The following FBXO8 variants were observed in gnomAD, a reference collection of about 807,000 sequenced individuals.
FBXO8 encodes F-box only protein 8.
FBXO8 carries 15 observed loss-of-function variants against 33.4 expected under a neutral mutation model. That is an observed-to-expected ratio of 0.45 (90% CI 0.30 to 0.69). The LOEUF is 0.69. Among genes scored for constraint, FBXO8 ranks in the 30% least tolerant of loss-of-function variants. The probability of loss-of-function intolerance (pLI) is 0.08; values close to 1 mark genes in which losing one functional copy is unlikely to be tolerated. For synonymous variants in FBXO8, 132 were observed against 131.5 expected, an observed-to-expected ratio of 1.00 and a Z score of -0.02; for missense variants, 274 against 380.3, an observed-to-expected ratio of 0.72 and a Z score of 2.32.
chr4:174,257,523 A>C lies in FBXO8; in HGVS notation c.456+2176T>G, dbSNP rs1257928091. Among the ~76,000 whole-genome samples, 1 of 152,194 alleles carries C rather than the reference A, an allele frequency of 6.6e-6. No individual in the cohort carries two copies. Among genetic ancestry groups the C allele is most frequent in the African/African-American group, 2.4e-5 (1 of 41,440 alleles). On this transcript the variant is annotated intron_variant, in intron 3 of 5. Transcript: ENST00000393674. The surrounding 1 kb of genome is among the most constrained non-coding windows in gnomAD (Gnocchi z 4.3). ...GCCAGCATGCCTTGATTAAATGGGC[A>C]TAATAAGACTGGGGCTTAAAACAGC...
chr4:174,266,287 GC>G (rs1221339547), intron 1 of FBXO8, among the ~76,000 whole-genome samples: 1 of 152,058 alleles, frequency 6.6e-6, no homozygotes, highest in Non-Finnish European at 1.5e-5. Flanking sequence ...GAGGGTTGAG[GC>G]TCATGTATAC....
rs1251706412 is a variant in FBXO8 at position 174,261,107 on chromosome 4, A to T, written c.330-1282T>A. Among the ~76,000 whole-genome samples the T allele has an allele frequency of 6.6e-6, 1 of 151,928 alleles. No homozygotes were observed. Among genetic ancestry groups the T allele is most frequent in the Admixed American group, 6.6e-5 (1 of 15,242 alleles). ...TTTTACCCACCAAATGAAATCACTG[A>T]CTCAAAACTGTAAGTATAAAAAATT... is the stretch of plus-strand genomic sequence containing the variant. On this transcript the variant is annotated intron_variant, in intron 2 of 5. Transcript: ENST00000393674. The surrounding 1 kb of genome is among the most constrained non-coding windows in gnomAD (Gnocchi z 4.1).
rs1346934241 is a variant in FBXO8, at chr4:174,237,126, C to CTA, written c.*285_*286insTA. Reference sequence around the variant, plus strand: ...CAAATCTAATGCACAAATACACCATCTTTTAGAGTATAATGTCAGTTTATC... The same window carrying CTA: ...CAAATCTAATGCACAAATACACCATCTATTTTAGAGTATAATGTCAGTTTATC... On this transcript the variant is annotated 3_prime_UTR_variant, in exon 6 of 6. Transcript: ENST00000393674. This position sits in a 1 kb window ranked among gnomAD's most constrained non-coding sequence, Gnocchi z 4.4. The CTA allele has an allele frequency of 2.2e-5, 6 of 276,982 alleles. No individual in the cohort carries two copies. In the South Asian group the frequency reaches 3.5e-4, roughly 16 times the overall value. The allele number at this position is 276,982 out of a possible 1,614,324, so 17.2% of individuals were successfully genotyped here. A position where few individuals can be genotyped will look rare whatever the true frequency, so the allele number is the denominator to read the frequency against.
At chr4:174,248,939 T>A (rs1450922606) in intron 3 of FBXO8, among the ~76,000 whole-genome samples, 2 of 152,012 alleles carry the variant, frequency 1.3e-5, no homozygotes, top group African/African-American at 2.4e-5. Context: ...TTCCCTCCAA[T>A]GGAGTCCAGG....
In FBXO8 at chr4:174,270,551, T is replaced by C. The variant is rs939545279; in HGVS notation, c.-8-7451A>G. 1.3e-5 allele frequency among the ~76,000 whole-genome samples: 2 copies of C among 152,170 alleles called. No homozygotes were observed. The highest frequency in any genetic ancestry group is 2.9e-5 in the Non-Finnish European group (2 of 68,036). ...CTTTCTACAAAAGCTCTTTTGGTAT[T>C]ACATAGCTTAAATTTAATATGCTAA... On this transcript the variant is annotated intron_variant, in intron 1 of 5. Coordinates refer to ENST00000393674, the MANE Select transcript of FBXO8 (RefSeq NM_012180.3). This position sits in a 1 kb window ranked among gnomAD's most constrained non-coding sequence, Gnocchi z 4.6.
Position 174,247,286 on chromosome 4 carries a change from C to G in FBXO8, c.457-6068G>C, listed in dbSNP as rs1736182102. Among the ~76,000 whole-genome samples the G allele has an allele frequency of 6.6e-6, 1 of 151,916 alleles. No homozygotes were observed. The highest frequency in any genetic ancestry group is 1.5e-5 in the Non-Finnish European group (1 of 67,952). ...TGTCACTAATAAAACAAAACTGTCA[C>G]ATACTAGGGAGTACCTTTAATTTTT... is the stretch of plus-strand genomic sequence containing the variant. On this transcript the variant is annotated intron_variant, in intron 3 of 5. Transcript: ENST00000393674. This position sits in a 1 kb window ranked among gnomAD's most constrained non-coding sequence, Gnocchi z 4.6.
Position 174,256,904 on chromosome 4 carries a change from A to G in FBXO8, c.456+2795T>C, listed in dbSNP as rs1560870046. Among the ~76,000 whole-genome samples, 1 of 152,014 alleles carries G rather than the reference A, an allele frequency of 6.6e-6. No homozygotes were observed. Among genetic ancestry groups the G allele is most frequent in the East Asian group, 1.9e-4 (1 of 5,188 alleles). ...GAATGTTCCAGAGTATCTTTAAATC[A>G]GGCCAGGGAGTAAAAAAAAAAGAAA... On this transcript the variant is annotated intron_variant, in intron 3 of 5. Coordinates refer to ENST00000393674, the MANE Select transcript of FBXO8 (RefSeq NM_012180.3). This position sits in a 1 kb window ranked among gnomAD's most constrained non-coding sequence, Gnocchi z 4.6.
chr4:174,237,334 G>T lies in FBXO8; in HGVS notation c.*78C>A. On this transcript the variant is annotated 3_prime_UTR_variant, in exon 6 of 6. Transcript: ENST00000393674. This position sits in a 1 kb window ranked among gnomAD's most constrained non-coding sequence, Gnocchi z 4.4. ...TACTCAGGCTACAATGACCAGCACT[G>T]ATGTAACCCCCATATCTGCTAAGTC... is the stretch of plus-strand genomic sequence containing the variant. The T allele has an allele frequency of 8.1e-7, 1 of 1,236,966 alleles. No homozygotes were observed. The highest frequency in any genetic ancestry group is 1.2e-6 in the Non-Finnish European group (1 of 865,774). 76.6% of individuals were successfully genotyped at this position (1,236,966 alleles called of 1,614,324 possible). A position where few individuals can be genotyped will look rare whatever the true frequency, so the allele number is the denominator to read the frequency against.
At chr4:174,282,552 T>C (rs974111135) in intron 1 of FBXO8, among the ~76,000 whole-genome samples, 3 of 152,166 alleles carry the variant, frequency 2.0e-5, no homozygotes, top group African/African-American at 7.2e-5. Flanking sequence ...GTTTCACATA[T>C]CATTTTCGTG....
At position 174,247,069 on chromosome 4, in the gene FBXO8, A is replaced by ATATGT. The variant is rs2126419660; in HGVS notation, c.457-5856_457-5852dup. ...TAAGGTTAAGCAAAATCTACCATAC[A>ATATGT]TATGTTCAGAATCAGTAAATATATA... On this transcript the variant is annotated intron_variant, in intron 3 of 5. Transcript: ENST00000393674. This position sits in a 1 kb window ranked among gnomAD's most constrained non-coding sequence, Gnocchi z 4.6. Among the ~76,000 whole-genome samples the ATATGT allele has an allele frequency of 6.6e-6, 1 of 152,198 alleles. No individual in the cohort carries two copies. The highest frequency in any genetic ancestry group is 2.1e-4 in the South Asian group (1 of 4,826).
intron 1 of FBXO8, among the ~76,000 whole-genome samples, chr4:174,276,963 A>G (rs1478833364): frequency 6.6e-6 from 1 of 152,234 alleles, no homozygotes; most frequent in African/African-American, 2.4e-5. Flanking sequence ...ATATAAAAGC[A>G]TCTTTTAATT....
rs2126428814 is a variant in FBXO8, at chr4:174,255,373, A to G, written c.456+4326T>C. Reference sequence around the variant, plus strand: ...GTAAATTCCTGAAATGCTTTCTATAATGGAGAACTACAAATTTCCTGTTTA... The same window carrying G: ...GTAAATTCCTGAAATGCTTTCTATAGTGGAGAACTACAAATTTCCTGTTTA... On this transcript the variant is annotated intron_variant, in intron 3 of 5. Coordinates refer to ENST00000393674, the MANE Select transcript of FBXO8 (RefSeq NM_012180.3). The surrounding 1 kb of genome is among the most constrained non-coding windows in gnomAD (Gnocchi z 4.3). Among the ~76,000 whole-genome samples, 2 of 152,280 alleles carry G rather than the reference A, an allele frequency of 1.3e-5. 1 individual carries two copies. The highest frequency in any genetic ancestry group is 4.1e-4 in the South Asian group (2 of 4,830).
rs973421058 is a variant in FBXO8 at position 174,277,981 on chromosome 4, T to G, written c.-9+5429A>C. Reference sequence around the variant, plus strand: ...ATGGGAGAGTCTATGAGAAAATATTTTCTGAGACATTTTGAATCAAATCAG... The same window carrying G: ...ATGGGAGAGTCTATGAGAAAATATTGTCTGAGACATTTTGAATCAAATCAG... On this transcript the variant is annotated intron_variant, in intron 1 of 5. Coordinates refer to ENST00000393674, the MANE Select transcript of FBXO8 (RefSeq NM_012180.3). This position sits in a 1 kb window ranked among gnomAD's most constrained non-coding sequence, Gnocchi z 4.9. Among the ~76,000 whole-genome samples the G allele has an allele frequency of 7.9e-5, 12 of 152,078 alleles. No homozygotes were observed. The highest frequency in any genetic ancestry group is 2.4e-4 in the African/African-American group (10 of 41,442).
At position 174,263,706 on chromosome 4, in the gene FBXO8, C is replaced by T. The variant is rs933136379; in HGVS notation, c.-8-606G>A. Among the ~76,000 whole-genome samples, 14 of 152,038 alleles carry T rather than the reference C, an allele frequency of 9.2e-5. No individual in the cohort carries two copies. Among genetic ancestry groups the T allele is most frequent in the Non-Finnish European group, 1.8e-4 (12 of 67,972 alleles). The stretch of plus-strand genomic sequence containing the variant: ...ACCTAGAACTCCATGATAAATAGCT[C>T]GGTAACAGTAGACTATTTAGTTTTG... On this transcript the variant is annotated intron_variant, in intron 1 of 5. Coordinates refer to ENST00000393674, the MANE Select transcript of FBXO8 (RefSeq NM_012180.3). This position sits in a 1 kb window ranked among gnomAD's most constrained non-coding sequence, Gnocchi z 4.2.
intron 1 of FBXO8, among the ~76,000 whole-genome samples, chr4:174,269,688 A>AT (rs996448032): frequency 1.6e-4 from 25 of 152,176 alleles, no homozygotes; most frequent in African/African-American, 6.0e-4. Context: ...CAAAAAAAAA[A>AT]AAAAAGAATG....
At position 174,261,853 on chromosome 4, in the gene FBXO8, T is replaced by G. The variant is rs1011170341; in HGVS notation, c.329+911A>C. ...ATTTCTAGTTTGAAATTATAGGAAG[T>G]CTTAAAAAGATATTTGTTTTTAGTT... is the stretch of plus-strand genomic sequence containing the variant. On this transcript the variant is annotated intron_variant, in intron 2 of 5. Coordinates refer to ENST00000393674, the MANE Select transcript of FBXO8 (RefSeq NM_012180.3). The surrounding 1 kb of genome is among the most constrained non-coding windows in gnomAD (Gnocchi z 4.1). Among the ~76,000 whole-genome samples, 1 of 152,034 alleles carries G rather than the reference T, an allele frequency of 6.6e-6. No individual in the cohort carries two copies. The highest frequency in any genetic ancestry group is 2.4e-5 in the African/African-American group (1 of 41,436).
chr4:174,275,121 T>TA lies in FBXO8; in HGVS notation c.-9+8288dup, dbSNP rs745529462. On this transcript the variant is annotated intron_variant, in intron 1 of 5. Transcript: ENST00000393674. This position sits in a 1 kb window ranked among gnomAD's most constrained non-coding sequence, Gnocchi z 4.4. ...TAAACAAAAACCAAACAATCCAATA[T>TA]AAAAATGGGCAAAAGATATAAACAC... is the stretch of plus-strand genomic sequence containing the variant. Among the ~76,000 whole-genome samples the TA allele has an allele frequency of 6.6e-6, 1 of 151,888 alleles. No individual in the cohort carries two copies. Among genetic ancestry groups the TA allele is most frequent in the Non-Finnish European group, 1.5e-5 (1 of 67,996 alleles).
rs990121956 is a variant in FBXO8, at chr4:174,255,079, A to G, written c.456+4620T>C. ...ACGGCTTTGAAAAGTTAGGCTGTAA[A>G]TAAGCCAACTAATCATAATCTATCA... is the stretch of plus-strand genomic sequence containing the variant. On this transcript the variant is annotated intron_variant, in intron 3 of 5. Transcript: ENST00000393674. The surrounding 1 kb of genome is among the most constrained non-coding windows in gnomAD (Gnocchi z 4.3). Among the ~76,000 whole-genome samples the G allele has an allele frequency of 9.9e-5, 15 of 152,194 alleles. No individual in the cohort carries two copies. The highest frequency in any genetic ancestry group is 3.1e-4 in the African/African-American group (13 of 41,454).
chr4:174,274,009 C>G lies in FBXO8; in HGVS notation c.-9+9401G>C, dbSNP rs1464765266. Reference sequence around the variant, plus strand: ...AACTCAGTTCTATCTGAGTCCAAAGCTTTTATTCTTAACCCACAAACCATA... The same window carrying G: ...AACTCAGTTCTATCTGAGTCCAAAGGTTTTATTCTTAACCCACAAACCATA... On this transcript the variant is annotated intron_variant, in intron 1 of 5. Transcript: ENST00000393674. The surrounding 1 kb of genome is among the most constrained non-coding windows in gnomAD (Gnocchi z 4.0). 6.6e-6 allele frequency among the ~76,000 whole-genome samples: 1 copy of G among 152,164 alleles called. No individual in the cohort carries two copies. Among genetic ancestry groups the G allele is most frequent in the African/African-American group, 2.4e-5 (1 of 41,430 alleles).
Sources: gnomAD v4.1 joint callset for allele counts (sites outside exome capture counted in the v4.1 genomes callset) on GRCh38, gnomAD v4.1.1 for gene constraint, Gnocchi (gnomAD v3.1) non-coding constraint, MANE v1.5 for transcripts, NCBI Gene and HGNC (gene_info 2026-07-23, HGNC 2026-07-21) for gene names.